EML5: variants seen among roughly 807,000 people sequenced by gnomAD.
EML5 encodes the protein echinoderm microtubule-associated protein-like 5.
Under a neutral mutation model 250.0 loss-of-function variants are expected in EML5, and 120 were observed. The observed-to-expected ratio is 0.48, with a 90% CI of 0.41 to 0.56. EML5 has a LOEUF of 0.56. EML5 is among the 20% of genes least tolerant of loss of function. The pLI, the probability that EML5 is intolerant of heterozygous loss-of-function variation, is 0.00. For missense variants in EML5, 2,006 were observed against 2,437.6 expected (o/e 0.82, Z 3.73); for synonymous variants, 771 against 806.5 (o/e 0.96, Z 0.75).
intron 1 of EML5, among the ~76,000 whole-genome samples, chr14:88,766,220 C>T (rs1030197722): frequency 6.6e-6 from 1 of 152,134 alleles, no homozygotes; most frequent in African/African-American, 2.4e-5. Context: ...GAAAAAAGAA[C>T]AGGATAACAG....
chr14:88,745,903 G>A (rs759137493), intron 3 of EML5, among the ~76,000 whole-genome samples: 21 of 152,064 alleles, frequency 1.4e-4, no homozygotes, highest in Non-Finnish European at 2.8e-4. Flanking sequence ...AAACCTGCAC[G>A]TTCTGCACAT....
rs1048537131 is a variant in EML5 at position 88,662,905 on chromosome 14, T to C, written c.3498+126A>G. ...ATGTATTCTGACTCAATAAACTCAA[T>C]AATATCCAATATTTTAATAATTTGA... is the stretch of plus-strand genomic sequence containing the variant. On this transcript the variant is annotated intron_variant, in intron 24 of 43. Transcript: ENST00000554922. 1.5e-5 allele frequency: 10 copies of C among 672,352 alleles called. No individual in the cohort carries two copies. The African/African-American group carries it at 1.5e-4, about 10-fold the overall frequency. 41.6% of individuals were successfully genotyped at this position (672,352 alleles called of 1,614,324 possible). A position where few individuals can be genotyped will look rare whatever the true frequency, so the allele number is the denominator to read the frequency against.
chr14:88,668,667 A>G (rs977697669), intron 21 of EML5, among the ~76,000 whole-genome samples: 5 of 152,186 alleles, frequency 3.3e-5, no homozygotes, highest in African/African-American at 1.2e-4. Context: ...TAGTGAGGTC[A>G]ATTATCACAG....
intron 8 of EML5, among the ~76,000 whole-genome samples, chr14:88,719,757 G>A (rs2093561195): frequency 6.6e-6 from 1 of 151,888 alleles, no homozygotes. Context: ...TCCCCTTGCA[G>A]AAATACCAAT....
intron 17 of EML5, among the ~76,000 whole-genome samples, chr14:88,691,922 G>T (rs537544225): frequency 6.6e-6 from 1 of 152,144 alleles, no homozygotes; most frequent in Non-Finnish European, 1.5e-5. Flanking sequence ...TATTCATTTG[G>T]AAGTATTTTC....
rs758138634 is a variant in EML5, at chr14:88,792,289, GCCCCCGCT to G, written c.197+10_197+17del. The G allele has an allele frequency of 3.2e-6, 5 of 1,545,538 alleles. No individual in the cohort carries two copies. In the South Asian group the frequency reaches 6.0e-5, roughly 18 times the overall value. ...AGCGGCTTGCAGGGTGACGGCGGCGGCCCCCGCTCCCCGGTACCTGATGATGTCGTCGC... is the reference window on the plus strand; with the variant it reads ...AGCGGCTTGCAGGGTGACGGCGGCGGCCCCGGTACCTGATGATGTCGTCGC... On this transcript the variant is annotated intron_variant, in intron 1 of 43. Coordinates refer to ENST00000554922, the MANE Select transcript of EML5 (RefSeq NM_183387.3). The surrounding 1 kb of genome is among the most constrained non-coding windows in gnomAD (Gnocchi z 6.9).
At chr14:88,635,248 A>C (rs1051703930) in intron 32 of EML5, among the ~76,000 whole-genome samples, 2 of 152,244 alleles carry the variant, frequency 1.3e-5, no homozygotes, top group African/African-American at 2.4e-5. Flanking sequence ...TGATTTAAAA[A>C]ACATATTGAT....
Position 88,642,908 on chromosome 14 carries a change from G to A in EML5, c.4222C>T (p.His1408Tyr), listed in dbSNP as rs1182947340. 3.1e-6 allele frequency: 5 copies of A among 1,603,672 alleles called. No individual in the cohort carries two copies. In the South Asian group the frequency reaches 3.4e-5, roughly 11 times the overall value. ...GGTTTCCTACCTGTAGCAACATTGT[G>A]CAGAATTCCAACAGATGCAGTGTGA... is the stretch of plus-strand genomic sequence containing the variant. ...IYHTASVGIL[H>Y]NVATGSQSFY... is the part of the protein sequence containing the mutation. Residue 1408 changes from histidine (H) to tyrosine (Y), a missense_variant, in exon 31 of 44, where the codon CAC becomes TAC. By Grantham distance (83) the His-to-Tyr change is moderately conservative. This residue lies in a region of EML5 where 1,375 missense variants were observed against 1,590.3 expected (regional missense o/e 0.86). Coordinates refer to ENST00000554922, the MANE Select transcript of EML5 (RefSeq NM_183387.3).
chr14:88,641,778 A>T (rs2091080255), intron 31 of EML5, among the ~76,000 whole-genome samples: 1 of 152,184 alleles, frequency 6.6e-6, no homozygotes, highest in African/African-American at 2.4e-5. Flanking sequence ...CAGGTGGCCT[A>T]GTCTCCATCT....
intron 8 of EML5, among the ~76,000 whole-genome samples, chr14:88,719,043 T>C (rs1231288741): frequency 1.3e-5 from 2 of 152,178 alleles, no homozygotes; most frequent in Non-Finnish European, 2.9e-5. Flanking sequence ...TAAAATGTGG[T>C]AGTAACACTG....
chr14:88,662,123 C>T (rs1555429887), intron 24 of EML5, among the ~76,000 whole-genome samples: 1 of 151,866 alleles, frequency 6.6e-6, no homozygotes, highest in Non-Finnish European at 1.5e-5. Flanking sequence ...TTAGGATAAT[C>T]AAGTAAGATT....
At chr14:88,684,119 T>A (rs1273261905) in intron 20 of EML5, among the ~76,000 whole-genome samples, 1 of 151,200 alleles carries the variant, frequency 6.6e-6, no homozygotes, top group East Asian at 1.9e-4. Flanking sequence ...GTTTACAGGT[T>A]ATAGGGTTAA....
intron 20 of EML5, among the ~76,000 whole-genome samples, chr14:88,684,588 T>C (rs2092788883): frequency 6.6e-6 from 1 of 151,806 alleles, no homozygotes. Flanking sequence ...CAGAGAAAAA[T>C]AATTGCCTTA....
At chr14:88,715,594 C>G (rs1365398001) in intron 8 of EML5, among the ~76,000 whole-genome samples, 3 of 151,416 alleles carry the variant, frequency 2.0e-5, no homozygotes, top group Non-Finnish European at 4.4e-5. Flanking sequence ...TTGTAAGGAG[C>G]TAAATGTGCA....
chr14:88,756,502 A>G (rs925189246), intron 1 of EML5, among the ~76,000 whole-genome samples: 23 of 152,182 alleles, frequency 1.5e-4, no homozygotes, highest in Non-Finnish European at 2.9e-5. Context: ...TAGCCAAGAA[A>G]AATAGGCCAG....
chr14:88,763,642 C>T (rs2094280604), intron 1 of EML5, among the ~76,000 whole-genome samples: 1 of 152,168 alleles, frequency 6.6e-6, no homozygotes, highest in Non-Finnish European at 1.5e-5. Context: ...GGGAATTCTC[C>T]CTAACCCATT....
At chr14:88,674,130 A>G (rs1351117322) in intron 21 of EML5, among the ~76,000 whole-genome samples, 2 of 152,116 alleles carry the variant, frequency 1.3e-5, no homozygotes, top group Non-Finnish European at 2.9e-5. Context: ...TTAGCCAGGC[A>G]TGGTAGCGCA....
chr14:88,753,927 C>T lies in EML5; in HGVS notation c.357+585G>A, dbSNP rs542705923. 5.9e-4 allele frequency among the ~76,000 whole-genome samples: 89 copies of T among 152,028 alleles called. 1 individual carries two copies. The South Asian group carries it at 0.017, about 30-fold the overall frequency. ...AACAACACTGGAGGATAGCTTAAGG[C>T]CAGAAGTTTGAGACCAGCCTGGGCA... On this transcript the variant is annotated intron_variant, in intron 2 of 43. Coordinates refer to ENST00000554922, the MANE Select transcript of EML5 (RefSeq NM_183387.3).
chr14:88,676,308 T>C (rs2092591777), intron 21 of EML5, among the ~76,000 whole-genome samples: 1 of 152,328 alleles, frequency 6.6e-6, no homozygotes, highest in East Asian at 1.9e-4. Flanking sequence ...CCCAGGAAAC[T>C]TAACAATCAT....
Sources: allele counts gnomAD v4.1 joint callset (sites outside exome capture counted in the v4.1 genomes callset), GRCh38; gene constraint gnomAD v4.1.1; regional missense constraint gnomAD v4.1.1; non-coding constraint Gnocchi (gnomAD v3.1); transcripts MANE v1.5; gene names NCBI Gene and HGNC (gene_info 2026-07-23, HGNC 2026-07-21).